CEP170: variants seen among roughly 807,000 people sequenced by gnomAD.
CEP170 encodes the protein centrosomal protein of 170 kDa.
In CEP170, 21 loss-of-function variants were observed where a neutral mutation model predicts 151.9. That is an observed-to-expected ratio of 0.14 (90% CI 0.10 to 0.20). The LOEUF (loss-of-function observed/expected upper bound fraction) is 0.20, where lower values mean the gene tolerates loss of function less well. Ranked by LOEUF, CEP170 falls within the 10% of genes least tolerant of loss-of-function variation. The pLI is 1.00. For missense variants in CEP170, 964 were observed against 1,892.9 expected, an observed-to-expected ratio of 0.51 and a Z score of 9.11; for synonymous variants, 356 against 648.8, an observed-to-expected ratio of 0.55 and a Z score of 6.86.
chr1:243,184,496 A>C lies in CEP170; in HGVS notation c.1566+1283T>G, dbSNP rs541361263. On this transcript the variant is annotated intron_variant, in intron 10 of 19. Coordinates refer to ENST00000366542, the MANE Select transcript of CEP170 (RefSeq NM_014812.3). ...TACTTTTCATATTAACAACTATAATATTGCTCACCTATTTCCCAGACAATG... is the reference window on the plus strand; with the variant it reads ...TACTTTTCATATTAACAACTATAATCTTGCTCACCTATTTCCCAGACAATG... Among the ~76,000 whole-genome samples, 357 of 151,998 alleles carry C rather than the reference A, an allele frequency of 2.3e-3. 1 individual carries two copies. The highest frequency in any genetic ancestry group is 8.4e-3 in the African/African-American group (348 of 41,456).
At chr1:243,180,019 T>G (rs1389146201) in intron 10 of CEP170, among the ~76,000 whole-genome samples, 1 of 152,122 alleles carries the variant, frequency 6.6e-6, no homozygotes, top group Non-Finnish European at 1.5e-5. Context: ...GTTACAGAGA[T>G]GGATGGCGGT....
intron 17 of CEP170, among the ~76,000 whole-genome samples, chr1:243,131,515 A>G (rs2054407268): frequency 6.6e-6 from 1 of 152,112 alleles, no homozygotes; most frequent in Admixed American, 6.5e-5. Context: ...AAACAAAAAA[A>G]CAAAAAACAA....
chr1:243,211,155 T>C (rs2061772893), intron 4 of CEP170: 1 of 151,944 alleles, frequency 6.6e-6, no homozygotes. Context: ...TAGCTGTATT[T>C]TAATTAAATG....
In CEP170 at chr1:243,182,084, T is replaced by G. The variant is rs142565318; in HGVS notation, c.1566+3695A>C. On this transcript the variant is annotated intron_variant, in intron 10 of 19. Transcript: ENST00000366542. ...AAAAGGCAGATCTCTCATGAATATA[T>G]TAATGCTATCTTGTGAGTTCTTGTT... 6.6e-3 allele frequency among the ~76,000 whole-genome samples: 1,010 copies of G among 152,204 alleles called. 13 individuals are homozygous for G. The highest frequency in any genetic ancestry group is 0.023 in the African/African-American group (959 of 41,538).
rs1431354640 is a variant in CEP170 at position 243,185,228 on chromosome 1, A to C, written c.1566+551T>G. 6.6e-6 allele frequency among the ~76,000 whole-genome samples: 1 copy of C among 152,230 alleles called. No individual in the cohort carries two copies. Among genetic ancestry groups the C allele is most frequent in the African/African-American group, 2.4e-5 (1 of 41,456 alleles). On this transcript the variant is annotated intron_variant, in intron 10 of 19. Transcript: ENST00000366542. The surrounding 1 kb of genome is among the most constrained non-coding windows in gnomAD (Gnocchi z 4.9). ...TGGTCATATACGTGGTTAAACTAGT[A>C]AACTAAATCATAAACAACTGATTTT...
chr1:243,182,437 C>T (rs2059680796), intron 10 of CEP170, among the ~76,000 whole-genome samples: 2 of 152,022 alleles, frequency 1.3e-5, no homozygotes, highest in South Asian at 4.2e-4. Flanking sequence ...TACCTAAGAT[C>T]TAGTCATTAA....
chr1:243,226,053 AT>A (rs2063217543), intron 1 of CEP170, among the ~76,000 whole-genome samples: 1 of 13,398 alleles, frequency 7.5e-5, no homozygotes, highest in African/African-American at 8.4e-5. Context: ...AGATATATAT[AT>A]CTAGATATAT....
At position 243,172,698 on chromosome 1, in the gene CEP170, T is replaced by G. The variant is rs1357094748; in HGVS notation, c.1715A>C (p.Glu572Ala). Residue 572 changes from glutamate to alanine, a missense_variant and splice_region_variant, in exon 11 of 20, where the codon GAG (glutamate) becomes GCG (alanine). By Grantham distance (107) the Glu-to-Ala change is moderately radical. Coordinates refer to ENST00000366542, the MANE Select transcript of CEP170 (RefSeq NM_014812.3). The stretch of plus-strand genomic sequence containing the variant: ...TAGGTACACAGAAGAGATGTATACC[T>G]CTGAGTGGTGAAATCCAGATGTAGT... Reference protein sequence around the residue: ...PLTTSGFHHSEEGTSSSGSKR... With the variant: ...PLTTSGFHHSAEGTSSSGSKR... The G allele has an allele frequency of 6.3e-7, 1 of 1,590,694 alleles. No homozygotes were observed. Among genetic ancestry groups the G allele is most frequent in the Non-Finnish European group, 8.6e-7 (1 of 1,169,016 alleles).
rs751388751 is a variant in CEP170, at chr1:243,210,608, ATTTTTT to A, written c.274+1272_274+1277del. 6.2e-4 allele frequency among the ~76,000 whole-genome samples: 42 copies of A among 67,958 alleles called. 1 individual carries two copies. The highest frequency in any genetic ancestry group is 1.0e-3 in the East Asian group (2 of 1,980). 44.6% of individuals were successfully genotyped at this position (67,958 alleles called of 152,430 possible). A position where few individuals can be genotyped will look rare whatever the true frequency, so the allele number is the denominator to read the frequency against. The stretch of plus-strand genomic sequence containing the variant: ...AAAAATTGTAATATTATTTTTCGTA[ATTTTTT>A]TTTTTTTTTTTTTTTTTTTGAGATG... On this transcript the variant is annotated intron_variant, in intron 4 of 19. Transcript: ENST00000366542.
Position 243,233,084 on chromosome 1 carries a change from C to T in CEP170, c.-41-7763G>A, listed in dbSNP as rs115616207. Among the ~76,000 whole-genome samples the T allele has an allele frequency of 2.0e-4, 30 of 152,308 alleles. No homozygotes were observed. In the East Asian group the frequency reaches 2.1e-3, roughly 11 times the overall value. ...AAAAAATCCTAGTTATAGTCCTCTT[C>T]GGTTGTCTCTTTCTTATTCTTTATC... On this transcript the variant is annotated intron_variant, in intron 1 of 19. Coordinates refer to ENST00000366542, the MANE Select transcript of CEP170 (RefSeq NM_014812.3).
intron 4 of CEP170, among the ~76,000 whole-genome samples, chr1:243,203,578 T>C (rs1188958369): frequency 4.6e-5 from 7 of 152,148 alleles, no homozygotes; most frequent in Non-Finnish European, 1.0e-4. Context: ...TGTAAACATA[T>C]CTTTCAAAAA....
intron 7 of CEP170, among the ~76,000 whole-genome samples, chr1:243,195,823 T>C (rs1400622011): frequency 6.6e-6 from 1 of 152,040 alleles, no homozygotes; most frequent in South Asian, 2.1e-4. Flanking sequence ...CCTCATCCTA[T>C]ATTTTAAAAA....
intron 14 of CEP170, among the ~76,000 whole-genome samples, chr1:243,149,164 A>C (rs571378199): frequency 6.6e-6 from 1 of 152,144 alleles, no homozygotes; most frequent in Non-Finnish European, 1.5e-5. Flanking sequence ...AAATGTAGAA[A>C]GATTCTAGTC....
chr1:243,201,613 G>A (rs762808405), intron 4 of CEP170, among the ~76,000 whole-genome samples: 1 of 152,118 alleles, frequency 6.6e-6, no homozygotes, highest in Admixed American at 6.6e-5. Context: ...TCATGACTTC[G>A]AGGGTAGAAA....
intron 14 of CEP170, among the ~76,000 whole-genome samples, chr1:243,152,253 G>A (rs1158547735): frequency 4.1e-5 from 6 of 146,966 alleles, no homozygotes; most frequent in Non-Finnish European, 5.9e-5. Flanking sequence ...ACGGAGTCTC[G>A]CTCTGTCGCC....
At chr1:243,144,072 T>C (rs1452587748) in intron 14 of CEP170, among the ~76,000 whole-genome samples, 2 of 152,176 alleles carry the variant, frequency 1.3e-5, no homozygotes, top group East Asian at 1.9e-4. Context: ...CACCAACAAA[T>C]ATTTACTGAT....
chr1:243,203,981 CT>C (rs1558580132), intron 4 of CEP170, among the ~76,000 whole-genome samples: 1 of 152,090 alleles, frequency 6.6e-6, no homozygotes, highest in African/African-American at 2.4e-5. Context: ...AGATGATTAT[CT>C]TTCCAACTTG....
intron 1 of CEP170, among the ~76,000 whole-genome samples, chr1:243,245,124 T>A (rs1197585874): frequency 2.0e-5 from 3 of 152,148 alleles, no homozygotes; most frequent in African/African-American, 7.2e-5. Flanking sequence ...CAAGTGAATA[T>A]AATGATGAAC....
chr1:243,180,482 T>C (rs574452188), intron 10 of CEP170, among the ~76,000 whole-genome samples: 40 of 152,274 alleles, frequency 2.6e-4, no homozygotes, highest in Non-Finnish European at 1.5e-5. Flanking sequence ...CAGAAAAAAT[T>C]GCTCAGTCAA....
Sources: gnomAD v4.1 joint callset for allele counts (sites outside exome capture counted in the v4.1 genomes callset) on GRCh38, gnomAD v4.1.1 for gene constraint, Gnocchi (gnomAD v3.1) non-coding constraint, MANE v1.5 for transcripts, NCBI Gene and HGNC (gene_info 2026-07-23, HGNC 2026-07-21) for gene names.